Variants in KIAA1328 observed in about 807,000 individuals in gnomAD.
KIAA1328 encodes KIAA1328, also known as protein hinderin.
KIAA1328 carries 52 observed loss-of-function variants against 68.1 expected under a neutral mutation model. That is an observed-to-expected ratio of 0.76 (90% confidence interval 0.61 to 0.96). The LOEUF (loss-of-function observed/expected upper bound fraction) is 0.96. Ranked by LOEUF, KIAA1328 falls within the 40% of genes least tolerant of loss-of-function variation. The pLI, the probability that KIAA1328 is intolerant of heterozygous loss-of-function variation, is 0.00. For missense variants in KIAA1328, 641 were observed against 677.6 expected (o/e 0.95, Z 0.60); for synonymous variants, 232 against 239.4 (o/e 0.97, Z 0.28).
At chr18:37,034,764 A>T (rs913573525) in intron 6 of KIAA1328, among the ~76,000 whole-genome samples, 1 of 152,246 alleles carries the variant, frequency 6.6e-6, no homozygotes, top group East Asian at 1.9e-4. Context: ...TTCTTGTCAT[A>T]AATACATTTG....
At chr18:36,900,888 A>T (rs777418319) in intron 5 of KIAA1328, among the ~76,000 whole-genome samples, 27 of 152,150 alleles carry the variant, frequency 1.8e-4, no homozygotes, top group Non-Finnish European at 3.5e-4. Flanking sequence ...AGGAAATTTT[A>T]AAAAATCCAC....
chr18:37,169,170 A>AT lies in KIAA1328; in HGVS notation c.1415-3790dup, dbSNP rs1192375237. 7.5e-3 allele frequency among the ~76,000 whole-genome samples: 985 copies of AT among 131,156 alleles called. 8 individuals are homozygous for AT. Among genetic ancestry groups the AT allele is most frequent in the Admixed American group, 0.024 (322 of 13,158 alleles). The allele number at this position is 131,156 out of a possible 152,430, so 86.0% of individuals were successfully genotyped here. A position where few individuals can be genotyped will look rare whatever the true frequency, so the allele number is the denominator to read the frequency against. On this transcript the variant is annotated intron_variant, in intron 8 of 9. Transcript: ENST00000280020. ...TTTATTTATTTATTTATTTATTTAT[A>AT]TTTTTTTTTTTTTGAGACAGAGTCT...
chr18:37,129,696 C>T (rs931650303), intron 7 of KIAA1328, among the ~76,000 whole-genome samples: 1 of 152,222 alleles, frequency 6.6e-6, no homozygotes, highest in East Asian at 1.9e-4. Flanking sequence ...TAAATATTTA[C>T]ATAATCATAA....
chr18:36,930,778 G>T (rs1414063426), intron 5 of KIAA1328, among the ~76,000 whole-genome samples: 2 of 151,740 alleles, frequency 1.3e-5, no homozygotes, highest in Non-Finnish European at 2.9e-5. Flanking sequence ...TTATTTTTCT[G>T]TCTTTTGATT....
intron 6 of KIAA1328, among the ~76,000 whole-genome samples, chr18:37,049,477 C>T (rs2055606602): frequency 1.3e-5 from 2 of 152,006 alleles, no homozygotes. Flanking sequence ...AGCTAATAAA[C>T]AATACTCTAA....
At chr18:37,154,036 G>A (rs772281333) in intron 7 of KIAA1328, among the ~76,000 whole-genome samples, 14 of 151,888 alleles carry the variant, frequency 9.2e-5, no homozygotes, top group Admixed American at 2.6e-4. Context: ...TAGAGAATCC[G>A]TGTTTCCTAG....
intron 7 of KIAA1328, among the ~76,000 whole-genome samples, chr18:37,129,208 G>C (rs541668334): frequency 1.4e-4 from 21 of 152,002 alleles, no homozygotes; most frequent in Admixed American, 7.9e-4. Context: ...TCTGCTTATT[G>C]ACCTCAATTC....
chr18:36,835,179 A>T, intron 2 of KIAA1328, 55 bp from the exon 3 acceptor site: 1 of 1,480,732 alleles, frequency 6.8e-7, no homozygotes, highest in Non-Finnish European at 9.2e-7. Flanking sequence ...TTGATGGGGG[A>T]GGGTTTAAGA....
intron 4 of KIAA1328, among the ~76,000 whole-genome samples, chr18:36,851,204 G>C (rs750666217): frequency 6.6e-6 from 1 of 151,912 alleles, no homozygotes; most frequent in African/African-American, 2.4e-5. Flanking sequence ...TTTTGGATTT[G>C]GTTTGCTGGC....
At chr18:37,060,980 T>G (rs1165903480) in intron 6 of KIAA1328, among the ~76,000 whole-genome samples, 1 of 151,918 alleles carries the variant, frequency 6.6e-6, no homozygotes, top group African/African-American at 2.4e-5. Context: ...CCGGCCATGG[T>G]GGTGTGTGCC....
At chr18:36,928,186 A>T (rs192930338) in intron 5 of KIAA1328, among the ~76,000 whole-genome samples, 1 of 152,082 alleles carries the variant, frequency 6.6e-6, no homozygotes, top group Non-Finnish European at 1.5e-5. Flanking sequence ...GTATGTGAGT[A>T]TGGTGGTGGT....
chr18:37,151,111 A>G (rs1409781182), intron 7 of KIAA1328, among the ~76,000 whole-genome samples: 2 of 152,208 alleles, frequency 1.3e-5, no homozygotes, highest in East Asian at 3.8e-4. Flanking sequence ...TGCAAATTCA[A>G]TGTATAAAAA....
At chr18:36,859,383 G>T (rs2047483407) in intron 4 of KIAA1328, among the ~76,000 whole-genome samples, 1 of 150,074 alleles carries the variant, frequency 6.7e-6, no homozygotes, top group Non-Finnish European at 1.5e-5. Flanking sequence ...ATTTTTTTCA[G>T]TTTTCATATA....
At chr18:36,885,424 A>C in intron 4 of KIAA1328, 133 bp from the exon 5 acceptor site, 1 of 488,018 alleles carries the variant, frequency 2.0e-6, no homozygotes, top group Non-Finnish European at 3.6e-6. Context: ...AAAAGCAACA[A>C]CAAAACAGAA....
At position 36,877,517 on chromosome 18, in the gene KIAA1328, T is replaced by A. The variant is rs1033260099; in HGVS notation, c.333-8040T>A. 1.2e-4 allele frequency among the ~76,000 whole-genome samples: 18 copies of A among 149,390 alleles called. 1 individual carries two copies. Among genetic ancestry groups the A allele is most frequent in the African/African-American group, 4.4e-4 (18 of 40,966 alleles). On this transcript the variant is annotated intron_variant, in intron 4 of 9. Transcript: ENST00000280020. ...CCCTGGTGGGTTTTTTTTGTTGGTT[T>A]TTTTTTTTTTTTTGCTTTCCACTTG...
At chr18:36,914,599 A>T (rs111958450) in intron 5 of KIAA1328, among the ~76,000 whole-genome samples, 7 of 151,990 alleles carry the variant, frequency 4.6e-5, no homozygotes, top group African/African-American at 1.7e-4. Flanking sequence ...GGGTGCCTGT[A>T]ATCCCAGCTA....
intron 6 of KIAA1328, among the ~76,000 whole-genome samples, chr18:37,066,646 C>T (rs921593741): frequency 2.0e-5 from 3 of 152,292 alleles, no homozygotes; most frequent in Middle Eastern, 3.4e-3. Flanking sequence ...CATGCTTAAG[C>T]AACATGTAGC....
At chr18:36,976,151 T>C (rs563207848) in intron 6 of KIAA1328, among the ~76,000 whole-genome samples, 14 of 152,340 alleles carry the variant, frequency 9.2e-5, no homozygotes, top group South Asian at 6.2e-4. Context: ...GCACTTGATA[T>C]ATGACTGATG....
chr18:36,843,595 A>G (rs769996408), intron 3 of KIAA1328, among the ~76,000 whole-genome samples: 13 of 152,180 alleles, frequency 8.5e-5, no homozygotes, highest in Non-Finnish European at 1.5e-4. Flanking sequence ...TGATTCTGCT[A>G]TTTAATTGCT....
Sources: gnomAD v4.1 joint callset for allele counts (sites outside exome capture counted in the v4.1 genomes callset) on GRCh38, gnomAD v4.1.1 for gene constraint, MANE v1.5 for transcripts, NCBI Gene and HGNC (gene_info 2026-07-23, HGNC 2026-07-21) for gene names.